LYPD6B: variants seen among roughly 807,000 people sequenced by gnomAD.
LYPD6B encodes the protein ly6/PLAUR domain-containing protein 6B.
Under a neutral mutation model 22.8 loss-of-function variants are expected in LYPD6B, and 17 were observed. The ratio of observed to expected loss-of-function variants is 0.75; its 90% CI spans 0.51 to 1.12. The LOEUF is 1.12. Among genes scored for constraint, LYPD6B ranks in the 50% most tolerant of loss-of-function variants. The pLI is 0.00. For missense variants in LYPD6B, 221 were observed against 258.3 expected (o/e 0.86, Z 0.99); for synonymous variants, 106 against 91.6 (o/e 1.16, Z -0.90).
At chr2:149,184,314 G>A (rs1691953611) in intron 3 of LYPD6B, among the ~76,000 whole-genome samples, 4 of 152,180 alleles carry the variant, frequency 2.6e-5, no homozygotes, top group Admixed American at 2.6e-4. Context: ...TTACATGTAA[G>A]GAAGCCAAGG....
At chr2:149,156,236 G>A (rs1036769105) in intron 2 of LYPD6B, among the ~76,000 whole-genome samples, 18 of 152,114 alleles carry the variant, frequency 1.2e-4, no homozygotes, top group Non-Finnish European at 1.8e-4. Context: ...TTTCAGAGTC[G>A]GGATCTTCAG....
chr2:149,077,306 C>T (rs993567133), intron 1 of LYPD6B, among the ~76,000 whole-genome samples: 1 of 152,210 alleles, frequency 6.6e-6, no homozygotes, highest in East Asian at 1.9e-4. Flanking sequence ...GAAACTTACT[C>T]GCTTTCCTGC....
chr2:149,099,108 G>C (rs1686066283), intron 1 of LYPD6B, among the ~76,000 whole-genome samples: 1 of 152,202 alleles, frequency 6.6e-6, no homozygotes, highest in Non-Finnish European at 1.5e-5. Flanking sequence ...TTGGACTAGG[G>C]AGGATAGGTA....
At chr2:149,078,879 G>T (rs1684994456) in intron 1 of LYPD6B, among the ~76,000 whole-genome samples, 1 of 152,036 alleles carries the variant, frequency 6.6e-6, no homozygotes, top group South Asian at 2.1e-4. Context: ...GTGGTAGCTT[G>T]TGTCTGTAGT....
At chr2:149,180,123 G>A (rs746002098) in intron 3 of LYPD6B, among the ~76,000 whole-genome samples, 11 of 152,206 alleles carry the variant, frequency 7.2e-5, no homozygotes, top group South Asian at 2.1e-4. Context: ...TAGCATCTGC[G>A]AAGACACTTT....
chr2:149,115,807 T>C (rs2105560768), intron 1 of LYPD6B, among the ~76,000 whole-genome samples: 1 of 152,348 alleles, frequency 6.6e-6, no homozygotes, highest in African/African-American at 2.4e-5. Flanking sequence ...TTACCTACGG[T>C]CAGCCTCAGT....
At chr2:149,198,645 T>C (rs1692971906) in intron 3 of LYPD6B, among the ~76,000 whole-genome samples, 1 of 152,232 alleles carries the variant, frequency 6.6e-6, no homozygotes, top group Non-Finnish European at 1.5e-5. Context: ...TTAGACATTC[T>C]CTTTGATCAG....
chr2:149,203,359 T>C (rs769931613), intron 3 of LYPD6B, among the ~76,000 whole-genome samples: 22 of 152,166 alleles, frequency 1.4e-4, no homozygotes, highest in Non-Finnish European at 3.1e-4. Context: ...CTTCTGAGAC[T>C]GTGAAAAAGG....
chr2:149,168,168 C>T (rs2105915537), intron 3 of LYPD6B, among the ~76,000 whole-genome samples: 1 of 143,468 alleles, frequency 7.0e-6, no homozygotes, highest in East Asian at 2.0e-4. Context: ...CAAGAGATTG[C>T]ACCACTGCAC....
rs750640050 is a variant in LYPD6B, at chr2:149,214,658, C to T, written c.572C>T (p.Pro191Leu). ...CAGAGAACATCTGGCAGCAGTGCCC[C>T]CACACTCTACCTACCAGTGCTTGCC... ...HAQRTSGSSAPTLYLPVLAWV... is the reference protein window; with the variant it reads ...HAQRTSGSSALTLYLPVLAWV... The change falls in exon 7 of 7, where the codon CCC (proline) becomes CTC (leucine). Residue 191 changes from proline to leucine, a missense_variant. Physicochemically the swap from Pro to Leu is moderately conservative, Grantham distance 98. Coordinates refer to ENST00000409642, the MANE Select transcript of LYPD6B (RefSeq NM_177964.5). 1 of 1,613,952 alleles carries T rather than the reference C, an allele frequency of 6.2e-7. No homozygotes were observed. Among genetic ancestry groups the T allele is most frequent in the Non-Finnish European group, 8.5e-7 (1 of 1,179,864 alleles).
intron 2 of LYPD6B, among the ~76,000 whole-genome samples, chr2:149,133,547 A>C (rs6743088): frequency 0.62 from 94,855 of 152,008 alleles, 29,902 homozygotes; most frequent in East Asian, 0.91. Flanking sequence ...GGGAACCATG[A>C]AGAGCTGGGC....
At chr2:149,103,706 T>A (rs551596699) in intron 1 of LYPD6B, among the ~76,000 whole-genome samples, 1 of 151,906 alleles carries the variant, frequency 6.6e-6, no homozygotes. Context: ...CCAGTATAAT[T>A]TGCATTTTGT....
chr2:149,121,154 A>G (rs139860240), intron 1 of LYPD6B, among the ~76,000 whole-genome samples: 2,186 of 152,294 alleles, frequency 0.014, 25 homozygotes, highest in Non-Finnish European at 0.022. Flanking sequence ...ATAATTTAAC[A>G]ATTCCCATCC....
intron 1 of LYPD6B, among the ~76,000 whole-genome samples, chr2:149,050,955 C>T (rs1406302926): frequency 1.3e-5 from 2 of 151,830 alleles, no homozygotes; most frequent in Non-Finnish European, 2.9e-5. Context: ...CATGTTCACA[C>T]CCCAACCAGA....
intron 1 of LYPD6B, among the ~76,000 whole-genome samples, chr2:149,084,995 G>A (rs1243943042): frequency 6.6e-6 from 1 of 152,194 alleles, no homozygotes; most frequent in Non-Finnish European, 1.5e-5. Flanking sequence ...TAGATCTCAA[G>A]GATATGGGAG....
At chr2:149,078,115 AG>A (rs1189320098) in intron 1 of LYPD6B, among the ~76,000 whole-genome samples, 2 of 152,106 alleles carry the variant, frequency 1.3e-5, no homozygotes, top group East Asian at 3.9e-4. Context: ...CTGTCAGGCC[AG>A]GGGTCACAGT....
At chr2:149,149,259 T>C (rs1689219314) in intron 2 of LYPD6B, among the ~76,000 whole-genome samples, 1 of 152,216 alleles carries the variant, frequency 6.6e-6, no homozygotes, top group East Asian at 1.9e-4. Flanking sequence ...CTTCACATGT[T>C]ATTTTCTTCA....
intron 1 of LYPD6B, among the ~76,000 whole-genome samples, chr2:149,099,110 G>A (rs1268596608): frequency 1.3e-5 from 2 of 152,156 alleles, no homozygotes; most frequent in Admixed American, 6.5e-5. Context: ...GGACTAGGGA[G>A]GATAGGTAAA....
At chr2:149,098,646 A>G (rs533699806) in intron 1 of LYPD6B, among the ~76,000 whole-genome samples, 63 of 150,604 alleles carry the variant, frequency 4.2e-4, no homozygotes, top group African/African-American at 1.2e-3. Context: ...AAAAAAAAAA[A>G]AAAGAAAAAA....
Sources: allele counts gnomAD v4.1 joint callset (sites outside exome capture counted in the v4.1 genomes callset), GRCh38; gene constraint gnomAD v4.1.1; transcripts MANE v1.5; gene names NCBI Gene and HGNC (gene_info 2026-07-23, HGNC 2026-07-21).